The following CUBN variants were observed in gnomAD, a reference collection of about 807,000 sequenced individuals.
The protein encoded by CUBN is cubilin.
A neutral mutation model predicts 405.3 loss-of-function variants in CUBN; 282 were observed. The ratio of observed to expected loss-of-function variants is 0.70; its 90% CI spans 0.63 to 0.77. CUBN has a LOEUF of 0.77. CUBN is among the 30% of genes least tolerant of loss of function. CUBN has a pLI of 0.00. For missense variants in CUBN, 4,514 were observed against 4,475.2 expected (o/e 1.01, Z -0.25); for synonymous variants, 1,684 against 1,617.0 (o/e 1.04, Z -0.99).
intron 14 of CUBN, among the ~76,000 whole-genome samples, chr10:17,089,330 T>C (rs1836198738): frequency 6.6e-6 from 1 of 152,054 alleles, no homozygotes; most frequent in Non-Finnish European, 1.5e-5. Flanking sequence ...CAGTTTTAAA[T>C]GCATAAAATA....
chr10:16,852,022 A>C (rs1433629238), intron 59 of CUBN, among the ~76,000 whole-genome samples: 4 of 52,834 alleles, frequency 7.6e-5, no homozygotes, highest in Non-Finnish European at 1.0e-4. Flanking sequence ...CCCTCACTCT[A>C]TCTTTCCCTC....
At chr10:16,923,050 T>C (rs530292485) in intron 43 of CUBN, among the ~76,000 whole-genome samples, 1 of 151,864 alleles carries the variant, frequency 6.6e-6, no homozygotes, top group African/African-American at 2.4e-5. Flanking sequence ...GTTGCCCAGG[T>C]TGGTCTCAAA....
At chr10:16,957,903 A>T (rs1321543790) in intron 31 of CUBN, among the ~76,000 whole-genome samples, 1 of 151,922 alleles carries the variant, frequency 6.6e-6, no homozygotes, top group East Asian at 1.9e-4. Flanking sequence ...CTCAAAAAAA[A>T]AAAAAAGAAA....
chr10:16,829,829 G>GT (rs946288711), intron 65 of CUBN, among the ~76,000 whole-genome samples: 35 of 148,128 alleles, frequency 2.4e-4, no homozygotes, highest in East Asian at 9.9e-4. Context: ...TGTTTGGTTG[G>GT]TTTTTTTTTT....
chr10:17,075,744 T>A (rs775380431), intron 17 of CUBN, among the ~76,000 whole-genome samples: 1 of 152,212 alleles, frequency 6.6e-6, no homozygotes, highest in Non-Finnish European at 1.5e-5. Context: ...CTCTGAGCTC[T>A]TACAACATCT....
chr10:16,945,700 G>A lies in CUBN; in HGVS notation c.5342+1535C>T, dbSNP rs183828825. 2.9e-3 allele frequency among the ~76,000 whole-genome samples: 436 copies of A among 148,514 alleles called. 1 individual carries two copies. Among genetic ancestry groups the A allele is most frequent in the African/African-American group, 0.011 (428 of 40,170 alleles). On this transcript the variant is annotated intron_variant, in intron 36 of 66. Transcript: ENST00000377833. ...GGAGAATAGCTTAAACCCCGGAGGC[G>A]ACGTTTCAGTGAGCTGAGGTCACTC... is the stretch of plus-strand genomic sequence containing the variant.
At chr10:17,035,647 C>T (rs1024093015) in intron 27 of CUBN, among the ~76,000 whole-genome samples, 7 of 152,088 alleles carry the variant, frequency 4.6e-5, no homozygotes, top group Admixed American at 2.0e-4. Context: ...ATGTTTTCAA[C>T]GCAGCCATAA....
intron 27 of CUBN, among the ~76,000 whole-genome samples, chr10:17,031,908 G>A (rs764598947): frequency 3.3e-5 from 5 of 152,210 alleles, no homozygotes; most frequent in Non-Finnish European, 7.3e-5. Context: ...TTATTAGAGC[G>A]GATGCAAGGT....
chr10:17,006,990 G>A (rs549990830), intron 28 of CUBN, among the ~76,000 whole-genome samples: 15 of 152,240 alleles, frequency 9.9e-5, no homozygotes, highest in East Asian at 1.9e-4. Flanking sequence ...TGAAGGGTTC[G>A]CTCCCTTTGC....
Position 16,876,904 on chromosome 10 carries a change from CCT to C in CUBN, c.9097_9098del (p.Arg3033AspfsTer28). Reference sequence around the variant, plus strand: ...GTCATTATGGCTACTCACAGATTATCCTATAGGAAAACTTGAATCCGAAGTCT... The same window carrying C: ...GTCATTATGGCTACTCACAGATTATCATAGGAAAACTTGAATCCGAAGTCT... ...ITDFGFKFSY[R>X]IISCGGVFNF... On this transcript the variant is annotated frameshift_variant, in exon 57 of 67. Transcript: ENST00000377833. LOFTEE classifies it high-confidence loss of function. The C allele has an allele frequency of 6.2e-7, 1 of 1,613,768 alleles. No individual in the cohort carries two copies. Among genetic ancestry groups the C allele is most frequent in the Non-Finnish European group, 8.5e-7 (1 of 1,179,746 alleles).
Position 17,084,455 on chromosome 10 carries a change from A to T in CUBN, c.2117T>A (p.Leu706Gln). The T allele has an allele frequency of 6.2e-7, 1 of 1,613,036 alleles. No homozygotes were observed. The highest frequency in any genetic ancestry group is 8.5e-7 in the Non-Finnish European group (1 of 1,179,736). Reference sequence around the variant, plus strand: ...GTCCGTGTAGTTCCCACCACAACGCAGATCCGCTAAGAACAGGGAAGAGAC... The same window carrying T: ...GTCCGTGTAGTTCCCACCACAACGCTGATCCGCTAAGAACAGGGAAGAGAC... Reference protein sequence around the residue: ...HITYLTSPSDLRCGGNYTDPE... With the variant: ...HITYLTSPSDQRCGGNYTDPE... Residue 706 changes from leucine (L) to glutamine (Q), a missense_variant, in exon 17 of 67, where the codon CTG (leucine) becomes CAG (glutamine). By Grantham distance (113) the Leu-to-Gln change is moderately radical (BLOSUM62 -2). Around this residue, in one of 5 missense-constraint regions of CUBN, gnomAD observed 1,448 missense variants for 1,388.0 expected, o/e 1.04. Coordinates refer to ENST00000377833, the MANE Select transcript of CUBN (RefSeq NM_001081.4).
At chr10:16,866,003 C>T (rs1228169548) in intron 59 of CUBN, among the ~76,000 whole-genome samples, 10 of 152,060 alleles carry the variant, frequency 6.6e-5, no homozygotes, top group South Asian at 4.2e-4. Flanking sequence ...CCTGAGGGTG[C>T]GTCTTCCCCA....
chr10:16,870,300 G>C (rs1386336696), intron 58 of CUBN, among the ~76,000 whole-genome samples: 3 of 152,174 alleles, frequency 2.0e-5, no homozygotes, highest in African/African-American at 7.2e-5. Flanking sequence ...TAATATAATA[G>C]AAGAAATGCT....
At chr10:17,024,565 G>C (rs1306468829) in intron 27 of CUBN, among the ~76,000 whole-genome samples, 2 of 152,076 alleles carry the variant, frequency 1.3e-5, no homozygotes, top group Non-Finnish European at 2.9e-5. Flanking sequence ...GAGTGCAGTG[G>C]TGCAATAAGG....
At chr10:16,861,050 G>T (rs1022889238) in intron 59 of CUBN, among the ~76,000 whole-genome samples, 11 of 151,938 alleles carry the variant, frequency 7.2e-5, no homozygotes, top group Non-Finnish European at 1.5e-4. Context: ...TCTGCCTTAT[G>T]CCCCAAAGCA....
intron 43 of CUBN, among the ~76,000 whole-genome samples, chr10:16,921,236 C>T (rs143687280): frequency 6.6e-6 from 1 of 152,294 alleles, no homozygotes; most frequent in Non-Finnish European, 1.5e-5. Context: ...CTCCACTTTA[C>T]AAAGAAAGTA....
chr10:17,091,398 T>C (rs868570234), intron 14 of CUBN, among the ~76,000 whole-genome samples: 948 of 36,244 alleles, frequency 0.026, 6 homozygotes, highest in African/African-American at 0.13. Flanking sequence ...ATTTGAATAC[T>C]TTTTAAAAAA....
At position 17,122,773 on chromosome 10, in the gene CUBN, CAA is replaced by C. The variant is rs35530629; in HGVS notation, c.593+20_593+21del. ...CCTTCAAAAATATACTGATATTTAC[CAA>C]AAAAAAAAAAAAAAGTTACCTGTAA... On this transcript the variant is annotated intron_variant, in intron 6 of 66. Coordinates refer to ENST00000377833, the MANE Select transcript of CUBN (RefSeq NM_001081.4). The C allele has an allele frequency of 9.5e-3, 11,685 of 1,235,584 alleles. No individual in the cohort carries two copies. The highest frequency in any genetic ancestry group is 0.011 in the Non-Finnish European group (9,337 of 875,584). 76.5% of individuals were successfully genotyped at this position (1,235,584 alleles called of 1,614,324 possible). A position where few individuals can be genotyped will look rare whatever the true frequency, so the allele number is the denominator to read the frequency against.
chr10:17,058,375 C>T (rs889244890), intron 22 of CUBN, among the ~76,000 whole-genome samples: 2 of 151,866 alleles, frequency 1.3e-5, no homozygotes, highest in African/African-American at 4.8e-5. Flanking sequence ...ACTGAAATTA[C>T]AGGGAAAAAT....
Sources: gnomAD v4.1 joint callset for allele counts (sites outside exome capture counted in the v4.1 genomes callset) on GRCh38, gnomAD v4.1.1 for gene constraint, gnomAD v4.1.1 regional missense constraint, MANE v1.5 for transcripts, NCBI Gene and HGNC (gene_info 2026-07-23, HGNC 2026-07-21) for gene names.